ESS2: variants seen among roughly 807,000 people sequenced by gnomAD.
ESS2 encodes the protein splicing factor ESS-2 homolog.
Under a neutral mutation model 52.0 loss-of-function variants are expected in ESS2, and 31 were observed. The observed-to-expected ratio is 0.60, with a 90% CI of 0.45 to 0.81. ESS2 has a LOEUF of 0.81. Among genes scored for constraint, ESS2 ranks in the 30% least tolerant of loss-of-function variants. The pLI, the probability that ESS2 is intolerant of heterozygous loss-of-function variation, is 0.00. For synonymous variants in ESS2, 285 were observed against 259.2 expected, an observed-to-expected ratio of 1.10 and a Z score of -0.95; for missense variants, 602 against 637.2, an observed-to-expected ratio of 0.94 and a Z score of 0.59.
intron 3 of ESS2, among the ~76,000 whole-genome samples, chr22:19,141,789 AC>A (rs1350732217): frequency 6.6e-6 from 1 of 152,166 alleles, no homozygotes; most frequent in Non-Finnish European, 1.5e-5. Context: ...GGAGTTCAAG[AC>A]TAGCCGGGAC....
At chr22:19,134,965 G>A (rs1420066549) in intron 9 of ESS2, 95 bp downstream of exon 9, 8 of 1,197,658 alleles carry the variant, frequency 6.7e-6, no homozygotes, top group East Asian at 2.3e-5. Flanking sequence ...GGACTCTGCC[G>A]CGTGGGCCAT....
At chr22:19,135,291 C>T in intron 8 of ESS2, 116 bp from the exon 9 acceptor site, 1 of 792,008 alleles carries the variant, frequency 1.3e-6, no homozygotes, top group Non-Finnish European at 2.0e-6. Flanking sequence ...TACAAAACCC[C>T]CACAACCCAT....
In ESS2 at chr22:19,132,413, C is replaced by T. The variant is rs777385407; in HGVS notation, c.*1783G>A. The T allele has an allele frequency of 1.1e-5, 18 of 1,612,740 alleles. No homozygotes were observed. In the African/African-American group the frequency reaches 1.6e-4, roughly 14 times the overall value. On this transcript the variant is annotated 3_prime_UTR_variant, in exon 10 of 10. Transcript: ENST00000252137. This position sits in a 1 kb window ranked among gnomAD's most constrained non-coding sequence, Gnocchi z 4.2. Reference sequence around the variant, plus strand: ...AGAACAGGATGGAGGACAGGCTGGCCGAGACCTCCAGGGCCAAAGACCATC... The same window carrying T: ...AGAACAGGATGGAGGACAGGCTGGCTGAGACCTCCAGGGCCAAAGACCATC...
chr22:19,143,202 C>A (rs370577233), intron 1 of ESS2, among the ~76,000 whole-genome samples: 145 of 112,982 alleles, frequency 1.3e-3, no homozygotes, highest in Middle Eastern at 4.6e-3. Flanking sequence ...GAGACCGTCT[C>A]AAAAAAAAAA....
Position 19,131,005 on chromosome 22 carries a change from A to C in ESS2, c.*3191T>G. ...CAATGCAGGGTCAGTCCCCACAGCC[A>C]GGTGATGCAAACAGGCTGGACGTGG... On this transcript the variant is annotated 3_prime_UTR_variant, in exon 10 of 10. Coordinates refer to ENST00000252137, the MANE Select transcript of ESS2 (RefSeq NM_022719.3). This position sits in a 1 kb window ranked among gnomAD's most constrained non-coding sequence, Gnocchi z 5.7. 1 of 223,706 alleles carries C rather than the reference A, an allele frequency of 4.5e-6. No homozygotes were observed. Among genetic ancestry groups the C allele is most frequent in the South Asian group, 7.6e-5 (1 of 13,132 alleles). 13.9% of individuals were successfully genotyped at this position (223,706 alleles called of 1,614,324 possible).
Position 19,130,656 on chromosome 22 carries a change from C to A in ESS2, c.*3540G>T. The A allele has an allele frequency of 6.5e-6, 2 of 306,122 alleles. No homozygotes were observed. The highest frequency in any genetic ancestry group is 3.0e-5 in the South Asian group (1 of 33,086). The allele number at this position is 306,122 out of a possible 1,614,324, so 19.0% of individuals were successfully genotyped here. A position where few individuals can be genotyped will look rare whatever the true frequency, so the allele number is the denominator to read the frequency against. On this transcript the variant is annotated 3_prime_UTR_variant, in exon 10 of 10. Transcript: ENST00000252137. ...TAACTTGTCTTCAGATTTTGTCGACCCGAGATGGGTCCTGGCACTAGGAAT... is the reference window on the plus strand; with the variant it reads ...TAACTTGTCTTCAGATTTTGTCGACACGAGATGGGTCCTGGCACTAGGAAT...
chr22:19,139,522 A>G, intron 5 of ESS2, 90 bp downstream of exon 5: 1 of 1,368,594 alleles, frequency 7.3e-7, no homozygotes, highest in East Asian at 2.3e-5. Context: ...GGGCACGGCC[A>G]TACACACCTG....
chr22:19,135,999 C>T (rs2083574391), intron 8 of ESS2, among the ~76,000 whole-genome samples: 1 of 146,998 alleles, frequency 6.8e-6, no homozygotes, highest in Non-Finnish European at 1.5e-5. Context: ...CACTGTTCTC[C>T]AGCCTGGGCA....
Position 19,139,937 on chromosome 22 carries a change from A to G in ESS2, c.488T>C (p.Phe163Ser). ...SRYTSEDNAS[F>S]QEIMEVAKER... ...CTTGGCCACCTCCATGATCTCCTGG[A>G]AGGAGGCATTGTCCTCACTCGTGTA... Residue 163 changes from phenylalanine (F) to serine (S), a missense_variant, in exon 4 of 10, where the codon TTC (phenylalanine) becomes TCC (serine). Transcript: ENST00000252137. 1 of 1,614,134 alleles carries G rather than the reference A, an allele frequency of 6.2e-7. No homozygotes were observed. Among genetic ancestry groups the G allele is most frequent in the Non-Finnish European group, 8.5e-7 (1 of 1,180,018 alleles).
Position 19,142,717 on chromosome 22 carries a change from T to C in ESS2, c.304+9A>G, listed in dbSNP as rs2083711035. The stretch of plus-strand genomic sequence containing the variant: ...TTTCCCCTCTCCGCCACCCACAGGG[T>C]CCTCATACAGGGTGGCGGGGGCTCC... On this transcript the variant is annotated intron_variant, in intron 2 of 9. Coordinates refer to ENST00000252137, the MANE Select transcript of ESS2 (RefSeq NM_022719.3). 8 of 1,613,110 alleles carry C rather than the reference T, an allele frequency of 5.0e-6. No homozygotes were observed. The highest frequency in any genetic ancestry group is 1.1e-5 in the South Asian group (1 of 90,978).
chr22:19,144,368 G>C (rs779159696), intron 1 of ESS2, 138 bp downstream of exon 1: 2 of 1,508,120 alleles, frequency 1.3e-6, no homozygotes, highest in Non-Finnish European at 1.8e-6. Flanking sequence ...CTGTTTACTT[G>C]ACTCGTGGGA....
chr22:19,131,171 T>C lies in ESS2; in HGVS notation c.*3025A>G. ...TGCCAGACCAGCCTGGCTTCCACGG[T>C]TCCAGAGACCCTGTTCTCCCTCAGC... On this transcript the variant is annotated 3_prime_UTR_variant, in exon 10 of 10. Coordinates refer to ENST00000252137, the MANE Select transcript of ESS2 (RefSeq NM_022719.3). The surrounding 1 kb of genome is among the most constrained non-coding windows in gnomAD (Gnocchi z 5.7). 1 of 515,684 alleles carries C rather than the reference T, an allele frequency of 1.9e-6. No individual in the cohort carries two copies. The highest frequency in any genetic ancestry group is 3.4e-6 in the Non-Finnish European group (1 of 290,820). The allele number at this position is 515,684 out of a possible 1,614,324, so 31.9% of individuals were successfully genotyped here.
chr22:19,137,964 A>G (rs1391706510), intron 7 of ESS2: 1 of 985,246 alleles, frequency 1.0e-6, no homozygotes, highest in Non-Finnish European at 1.2e-6. Context: ...CACAGTAAGG[A>G]CCAGGACAGG....
In ESS2 at chr22:19,131,764, C is replaced by T. The variant is rs753649793; in HGVS notation, c.*2432G>A. 1.9e-6 allele frequency: 3 copies of T among 1,614,082 alleles called. No homozygotes were observed. The African/African-American group carries it at 4.0e-5, about 22-fold the overall frequency. ...CGCAAGATGTTCCGACAGCTCTCCT[C>T]CGCCGTCAAGTACTGCCACGACCTG... is the stretch of plus-strand genomic sequence containing the variant. On this transcript the variant is annotated 3_prime_UTR_variant, in exon 10 of 10. Coordinates refer to ENST00000252137, the MANE Select transcript of ESS2 (RefSeq NM_022719.3). This position sits in a 1 kb window ranked among gnomAD's most constrained non-coding sequence, Gnocchi z 5.7.
At position 19,144,518 on chromosome 22, in the gene ESS2, T is replaced by C. The variant is rs1442997855; in HGVS notation, c.123A>G (p.Glu41=). The change falls in exon 1 of 10, where the codon GAA becomes GAG. Residue 41 remains glutamate (E), a synonymous_variant. Transcript: ENST00000252137. Reference sequence around the variant, plus strand: ...ACCGAGGTCGTACCTCGATATACTCTTCCTCGTCCAGGACCCGCTGCTTGC... The same window carrying C: ...ACCGAGGTCGTACCTCGATATACTCCTCCTCGTCCAGGACCCGCTGCTTGC... The part of the protein sequence containing the change: ...ATSKQRVLDE[E]EYIEGLQTVI... The C allele has an allele frequency of 6.2e-7, 1 of 1,610,708 alleles. No homozygotes were observed. Among genetic ancestry groups the C allele is most frequent in the East Asian group, 2.2e-5 (1 of 44,452 alleles).
rs769560398 is a variant in ESS2 at position 19,132,364 on chromosome 22, G to A, written c.*1832C>T. The A allele has an allele frequency of 6.8e-5, 110 of 1,612,990 alleles. No individual in the cohort carries two copies. The highest frequency in any genetic ancestry group is 2.3e-4 in the Admixed American group (14 of 59,998). ...AAGCTTGGAGCCAAAACCCAGCACC[G>A]GCTGCTGGTGGTGCCCGAGAACGAG... is the stretch of plus-strand genomic sequence containing the variant. On this transcript the variant is annotated 3_prime_UTR_variant, in exon 10 of 10. Transcript: ENST00000252137. This position sits in a 1 kb window ranked among gnomAD's most constrained non-coding sequence, Gnocchi z 4.2.
chr22:19,131,548 C>T lies in ESS2; in HGVS notation c.*2648G>A, dbSNP rs1391521179. ...ATCATCGACCGCAAGAAAACACCTA[C>T]TGACTTTGTGGAGAGATTCCTTCCT... is the stretch of plus-strand genomic sequence containing the variant. On this transcript the variant is annotated 3_prime_UTR_variant, in exon 10 of 10. Coordinates refer to ENST00000252137, the MANE Select transcript of ESS2 (RefSeq NM_022719.3). This position sits in a 1 kb window ranked among gnomAD's most constrained non-coding sequence, Gnocchi z 5.7. 6.2e-7 allele frequency: 1 copy of T among 1,614,094 alleles called. No individual in the cohort carries two copies. Among genetic ancestry groups the T allele is most frequent in the African/African-American group, 1.3e-5 (1 of 74,938 alleles).
At position 19,137,318 on chromosome 22, in the gene ESS2, C is replaced by T. The variant is rs1389566554; in HGVS notation, c.1035+5G>A. On this transcript the variant is annotated splice_donor_5th_base_variant and intron_variant, in intron 8 of 9. Transcript: ENST00000252137. The stretch of plus-strand genomic sequence containing the variant: ...GCACACAGTTCCCCCATCACCACAA[C>T]CCACCTTAAAAGCTGGGCCGGGTGT... 1 of 1,608,528 alleles carries T rather than the reference C, an allele frequency of 6.2e-7. No individual in the cohort carries two copies.
chr22:19,132,516 T>TG lies in ESS2; in HGVS notation c.*1679dup, dbSNP rs750671644. On this transcript the variant is annotated 3_prime_UTR_variant, in exon 10 of 10. Transcript: ENST00000252137. The surrounding 1 kb of genome is among the most constrained non-coding windows in gnomAD (Gnocchi z 4.2). Reference sequence around the variant, plus strand: ...CGTTGTGTGTGGTGGGGGTCGGGGTTGGGGGGCATGGTGCAGTCGGCCTTC... The same window carrying TG: ...CGTTGTGTGTGGTGGGGGTCGGGGTTGGGGGGGCATGGTGCAGTCGGCCTTC... 9 of 1,555,670 alleles carry TG rather than the reference T, an allele frequency of 5.8e-6. No homozygotes were observed. Among genetic ancestry groups the TG allele is most frequent in the Middle Eastern group, 1.7e-4 (1 of 5,812 alleles).
Sources: allele counts gnomAD v4.1 joint callset (sites outside exome capture counted in the v4.1 genomes callset), GRCh38; gene constraint gnomAD v4.1.1; non-coding constraint Gnocchi (gnomAD v3.1); transcripts MANE v1.5; gene names NCBI Gene and HGNC (gene_info 2026-07-23, HGNC 2026-07-21).